Variants in NEMF observed in about 807,000 individuals in gnomAD.
NEMF encodes ribosome quality control complex subunit NEMF.
In NEMF, 89 loss-of-function variants were observed where a neutral mutation model predicts 162.2. The observed-to-expected ratio is 0.55, with a 90% CI of 0.46 to 0.65. NEMF has a LOEUF of 0.65. Among genes scored for constraint, NEMF ranks in the 30% least tolerant of loss-of-function variants. The pLI is 0.00. For missense variants in NEMF, 1,133 were observed against 1,261.9 expected, an observed-to-expected ratio of 0.90 and a Z score of 1.55; for synonymous variants, 421 against 404.5, an observed-to-expected ratio of 1.04 and a Z score of -0.49.
rs375328836 is a variant in NEMF, at chr14:49,838,214, A to T, written c.507-8T>A. 5.4e-5 allele frequency: 87 copies of T among 1,612,942 alleles called. No homozygotes were observed. The highest frequency in any genetic ancestry group is 7.0e-5 in the Non-Finnish European group (83 of 1,179,108). On this transcript the variant is annotated splice_region_variant and splice_polypyrimidine_tract_variant and intron_variant, in intron 5 of 32. Transcript: ENST00000298310. ...GCTACTATTTCAGTCAACCTGTGAA[A>T]CAAAACGGACATGCCTCTATCATAT...
In NEMF at chr14:49,831,301, G is replaced by A; in HGVS notation, c.943C>T (p.Gln315Ter). The A allele has an allele frequency of 6.4e-7, 1 of 1,554,684 alleles. No individual in the cohort carries two copies. The highest frequency in any genetic ancestry group is 8.9e-7 in the Non-Finnish European group (1 of 1,126,806). Residue 315 changes from glutamine to a stop codon, truncating the protein, a stop_gained and splice_region_variant, in exon 11 of 33, where the codon CAG becomes TAG. Coordinates refer to ENST00000298310, the MANE Select transcript of NEMF (RefSeq NM_004713.6). LOFTEE classifies it high-confidence loss of function. ...GQKIDLKALQ[Q>*]EKQALKKLDN... Reference sequence around the variant, plus strand: ...TATGTGTTTTTAATAATACATACCTGTTGTAAAGCTTTTAAGTCAATTTTC... The same window carrying A: ...TATGTGTTTTTAATAATACATACCTATTGTAAAGCTTTTAAGTCAATTTTC...
intron 18 of NEMF, among the ~76,000 whole-genome samples, chr14:49,809,929 A>G (rs1267169811): frequency 6.6e-6 from 1 of 152,142 alleles, no homozygotes; most frequent in Non-Finnish European, 1.5e-5. Context: ...ATGTAGGTTC[A>G]TTAGTTGTAA....
At chr14:49,811,884 G>T (rs868508248) in intron 18 of NEMF, among the ~76,000 whole-genome samples, 19 of 152,166 alleles carry the variant, frequency 1.2e-4, no homozygotes, top group Admixed American at 4.6e-4. Context: ...AACCGGTATT[G>T]GTCTGTAGTT....
chr14:49,848,912 G>C (rs1241540731), intron 3 of NEMF, among the ~76,000 whole-genome samples: 1 of 113,028 alleles, frequency 8.8e-6, no homozygotes, highest in Admixed American at 8.6e-5. Context: ...TCAAAAAAAA[G>C]ACAAAAAATC....
chr14:49,783,185 T>G lies in NEMF; in HGVS notation c.*1451A>C, dbSNP rs1188693822. 6.0e-6 allele frequency: 2 copies of G among 335,216 alleles called. No individual in the cohort carries two copies. The highest frequency in any genetic ancestry group is 1.1e-5 in the Non-Finnish European group (2 of 186,768). 20.8% of individuals were successfully genotyped at this position (335,216 alleles called of 1,614,324 possible). A position where few individuals can be genotyped will look rare whatever the true frequency, so the allele number is the denominator to read the frequency against. On this transcript the variant is annotated 3_prime_UTR_variant, in exon 33 of 33. Transcript: ENST00000298310. ...AAAGTAATGGTTGGGCTTTTTACCC[T>G]GAAGAATGGTTGCTACATTTTCTTT...
rs368209653 is a variant in NEMF, at chr14:49,831,637, G to T, written c.883-276C>A. 7.2e-5 allele frequency among the ~76,000 whole-genome samples: 11 copies of T among 152,152 alleles called. No homozygotes were observed. In the East Asian group the frequency reaches 2.1e-3, roughly 29 times the overall value. On this transcript the variant is annotated intron_variant, in intron 10 of 32. Transcript: ENST00000298310. Reference sequence around the variant, plus strand: ...AGTTTTTCAGAGACAGGGTTTCACTGTGTTGGCCAGACTGGTCTTGAACTC... The same window carrying T: ...AGTTTTTCAGAGACAGGGTTTCACTTTGTTGGCCAGACTGGTCTTGAACTC...
chr14:49,844,769 ATTTT>A lies in NEMF; in HGVS notation c.357+1367_357+1370del, dbSNP rs773802281. ...CACACACACACACACACACACATAT[ATTTT>A]TTTTTTCCTTTTTGAGACTGAATCT... is the stretch of plus-strand genomic sequence containing the variant. On this transcript the variant is annotated intron_variant, in intron 4 of 32. Transcript: ENST00000298310. The A allele has an allele frequency of 3.4e-5, 13 of 377,132 alleles. 1 individual carries two copies. The highest frequency in any genetic ancestry group is 6.5e-5 in the African/African-American group (3 of 46,404). 23.4% of individuals were successfully genotyped at this position (377,132 alleles called of 1,614,324 possible).
intron 11 of NEMF, among the ~76,000 whole-genome samples, chr14:49,831,015 G>A (rs1028196546): frequency 8.5e-5 from 13 of 152,184 alleles, no homozygotes; most frequent in African/African-American, 2.9e-4. Context: ...GTTGTTCTGA[G>A]CAAACCACAT....
At position 49,784,529 on chromosome 14, in the gene NEMF, A is replaced by C; in HGVS notation, c.*107T>G. ...TGGTGAATATAGCAAGGCAATGTTT[A>C]GTTCATTTTTATAATGCGGAAATCC... On this transcript the variant is annotated 3_prime_UTR_variant, in exon 33 of 33. Coordinates refer to ENST00000298310, the MANE Select transcript of NEMF (RefSeq NM_004713.6). 1 of 743,746 alleles carries C rather than the reference A, an allele frequency of 1.3e-6. No homozygotes were observed. The highest frequency in any genetic ancestry group is 1.8e-5 in the African/African-American group (1 of 56,880). The allele number at this position is 743,746 out of a possible 1,614,324, so 46.1% of individuals were successfully genotyped here. A position where few individuals can be genotyped will look rare whatever the true frequency, so the allele number is the denominator to read the frequency against.
intron 4 of NEMF, among the ~76,000 whole-genome samples, chr14:49,845,077 GTT>G (rs1893428987): frequency 5.3e-3 from 6 of 1,124 alleles, no homozygotes; most frequent in African/African-American, 8.8e-3. Context: ...CCCAGATTAA[GTT>G]AGTTAGTTAG....
chr14:49,849,238 T>C (rs1014878146), intron 3 of NEMF, among the ~76,000 whole-genome samples: 2 of 152,252 alleles, frequency 1.3e-5, no homozygotes, highest in African/African-American at 4.8e-5. Context: ...ATAATTTTAT[T>C]CAAGAAAAAT....
At chr14:49,787,265 G>A (rs1890220095) in intron 28 of NEMF, 2 of 154,562 alleles carry the variant, frequency 1.3e-5, no homozygotes, top group African/African-American at 4.8e-5. Flanking sequence ...TCAGGCTGCT[G>A]TAACAAAATA....
At chr14:49,841,358 T>C (rs1251783667) in intron 4 of NEMF, among the ~76,000 whole-genome samples, 1 of 151,976 alleles carries the variant, frequency 6.6e-6, no homozygotes, top group African/African-American at 2.4e-5. Flanking sequence ...GAGGATCACC[T>C]GAGGTCGGGA....
chr14:49,807,495 G>A (rs1891271185), intron 18 of NEMF, among the ~76,000 whole-genome samples: 1 of 151,272 alleles, frequency 6.6e-6, no homozygotes, highest in South Asian at 2.1e-4. Flanking sequence ...CCTACCAGCA[G>A]TATTCTATGT....
intron 18 of NEMF, among the ~76,000 whole-genome samples, chr14:49,812,883 C>G (rs1331914952): frequency 1.3e-5 from 2 of 151,986 alleles, no homozygotes; most frequent in East Asian, 3.9e-4. Context: ...TCAAGCGATT[C>G]TCCTGCCTCA....
chr14:49,831,904 T>A, intron 10 of NEMF, 147 bp downstream of exon 10: 1 of 590,620 alleles, frequency 1.7e-6, no homozygotes, highest in Non-Finnish European at 3.0e-6. Context: ...TTCCAACAGC[T>A]GTATCTGTGA....
intron 21 of NEMF, 43 bp from the exon 22 acceptor site, chr14:49,802,616 A>T (rs1016228482): frequency 6.2e-7 from 1 of 1,611,920 alleles, no homozygotes; most frequent in Non-Finnish European, 8.5e-7. Context: ...TTCAGACAAG[A>T]CTAATGAAAA....
chr14:49,845,357 C>A (rs1388542119), intron 4 of NEMF, among the ~76,000 whole-genome samples: 1 of 152,184 alleles, frequency 6.6e-6, no homozygotes, highest in African/African-American at 2.4e-5. Flanking sequence ...GATCCGCCCT[C>A]CTCGGCCTCC....
chr14:49,837,815 T>TAAAAAAAAAAAAAAAA (rs10709373), intron 6 of NEMF, among the ~76,000 whole-genome samples: 1 of 122,780 alleles, frequency 8.1e-6, no homozygotes, highest in African/African-American at 3.1e-5. Flanking sequence ...ACCCACCAAT[T>TAAAAAAAAAAAAAAAA]AAAAAAAAAA....
Sources: allele counts gnomAD v4.1 joint callset (sites outside exome capture counted in the v4.1 genomes callset), GRCh38; gene constraint gnomAD v4.1.1; transcripts MANE v1.5; gene names NCBI Gene and HGNC (gene_info 2026-07-23, HGNC 2026-07-21).